TMEM169: variants seen among roughly 807,000 people sequenced by gnomAD.
TMEM169 encodes the protein transmembrane protein 169.
Under a neutral mutation model 27.3 loss-of-function variants are expected in TMEM169, and 18 were observed. The observed-to-expected ratio is 0.66, with a 90% CI of 0.46 to 0.98. TMEM169 has a LOEUF of 0.98. Among genes scored for constraint, TMEM169 ranks in the 50% least tolerant of loss-of-function variants. TMEM169 has a pLI of 0.00. For synonymous variants in TMEM169, 136 were observed against 142.1 expected (o/e 0.96, Z 0.30); for missense variants, 320 against 368.6 (o/e 0.87, Z 1.08).
In TMEM169 at chr2:216,095,847, A is replaced by G. The variant is rs1452274508; in HGVS notation, c.-117A>G. ...CTTTCCTATCTTTCAGGTGGAATGC[A>G]TCCTTGGGACATCTTTGCATAGCCC... On this transcript the variant is annotated 5_prime_UTR_variant, in exon 2 of 3. Coordinates refer to ENST00000437356, the MANE Select transcript of TMEM169 (RefSeq NM_001142311.2). 351 of 1,246,812 alleles carry G rather than the reference A, an allele frequency of 2.8e-4. No homozygotes were observed. The highest frequency in any genetic ancestry group is 3.2e-5 in the Non-Finnish European group (29 of 910,354). The allele number at this position is 1,246,812 out of a possible 1,614,324, so 77.2% of individuals were successfully genotyped here.
chr2:216,101,211 AT>A lies in TMEM169; in HGVS notation c.*671del, dbSNP rs1400291423. On this transcript the variant is annotated 3_prime_UTR_variant, in exon 3 of 3. Transcript: ENST00000437356. ...CCTTATCCCCAACATCCCAGTGCTG[AT>A]TACATCTTCAGCCATCACATCCATG... 3 of 154,144 alleles carry A rather than the reference AT, an allele frequency of 1.9e-5. No homozygotes were observed. The highest frequency in any genetic ancestry group is 7.2e-5 in the African/African-American group (3 of 41,418). 9.5% of individuals were successfully genotyped at this position (154,144 alleles called of 1,614,324 possible).
chr2:216,095,979 G>A lies in TMEM169; in HGVS notation c.16G>A (p.Ala6Thr). 1 of 1,613,542 alleles carries A rather than the reference G, an allele frequency of 6.2e-7. No homozygotes were observed. The highest frequency in any genetic ancestry group is 8.5e-7 in the Non-Finnish European group (1 of 1,179,894). MEEPT[A>T]VEGQVQLPSP... ...CAGGTCTGGAATGGAAGAGCCAACA[G>A]CAGTAGAAGGCCAGGTCCAGCTTCC... Residue 6 changes from alanine to threonine, a missense_variant, in exon 2 of 3, where the codon GCA (alanine) becomes ACA (threonine). Ala to Thr is a moderately conservative substitution (Grantham distance 58, BLOSUM62 0). Coordinates refer to ENST00000437356, the MANE Select transcript of TMEM169 (RefSeq NM_001142311.2).
rs1696370948 is a variant in TMEM169, at chr2:216,100,475, C to A, written c.827C>A (p.Ser276Tyr). Residue 276 changes from serine (S) to tyrosine (Y), a missense_variant, in exon 3 of 3, where the codon TCC becomes TAC. Physicochemically the swap from Ser to Tyr is moderately radical, Grantham distance 144. Coordinates refer to ENST00000437356, the MANE Select transcript of TMEM169 (RefSeq NM_001142311.2). ...TACAGCATTGTGGAGTTGCTTGAATCCGACAATATCTCAAGCACTCTCTCC... is the reference window on the plus strand; with the variant it reads ...TACAGCATTGTGGAGTTGCTTGAATACGACAATATCTCAAGCACTCTCTCC... ...SPYSIVELLE[S>Y]DNISSTLSNK... 1.2e-6 allele frequency: 2 copies of A among 1,613,852 alleles called. No individual in the cohort carries two copies. Among genetic ancestry groups the A allele is most frequent in the African/African-American group, 1.3e-5 (1 of 74,832 alleles).
At chr2:216,089,980 C>A (rs1395912363) in intron 1 of TMEM169, among the ~76,000 whole-genome samples, 1 of 152,124 alleles carries the variant, frequency 6.6e-6, no homozygotes, top group Non-Finnish European at 1.5e-5. Context: ...TGCTAATTTC[C>A]TGGCCTATTT....
chr2:216,091,286 G>T (rs774622225), intron 1 of TMEM169, among the ~76,000 whole-genome samples: 1 of 152,034 alleles, frequency 6.6e-6, no homozygotes, highest in Non-Finnish European at 1.5e-5. Context: ...AGACCCAGAG[G>T]CTAGGCTCAG....
At chr2:216,094,155 T>C (rs938203234) in intron 1 of TMEM169, among the ~76,000 whole-genome samples, 4 of 151,934 alleles carry the variant, frequency 2.6e-5, no homozygotes, top group African/African-American at 9.7e-5. Flanking sequence ...TAACCTGGAG[T>C]TGCTGAAGAG....
intron 1 of TMEM169, among the ~76,000 whole-genome samples, chr2:216,084,594 G>C (rs2105977948): frequency 2.6e-5 from 4 of 152,202 alleles, no homozygotes; most frequent in Admixed American, 2.6e-4. Flanking sequence ...GACAAATGTT[G>C]GTAAGCCTTA....
At chr2:216,090,075 G>T (rs1254992501) in intron 1 of TMEM169, among the ~76,000 whole-genome samples, 2 of 152,220 alleles carry the variant, frequency 1.3e-5, no homozygotes, top group East Asian at 3.8e-4. Context: ...TGGGGAGAAA[G>T]GGCAGAAGAT....
At chr2:216,092,550 G>A (rs1696157938) in intron 1 of TMEM169, among the ~76,000 whole-genome samples, 1 of 152,120 alleles carries the variant, frequency 6.6e-6, no homozygotes, top group African/African-American at 2.4e-5. Flanking sequence ...CCTCAACAAA[G>A]AGAGAGGAAA....
intron 1 of TMEM169, 178 bp downstream of exon 1, chr2:216,082,157 AAAAG>A (rs1180779858): frequency 6.0e-6 from 1 of 167,148 alleles, no homozygotes; most frequent in Non-Finnish European, 1.3e-5. Flanking sequence ...TGCAGCTGGA[AAAAG>A]AAAGGCTGCT....
intron 2 of TMEM169, among the ~76,000 whole-genome samples, chr2:216,098,310 C>T (rs562637620): frequency 5.3e-5 from 8 of 152,064 alleles, no homozygotes; most frequent in Admixed American, 2.6e-4. Context: ...TGGAGAAGTT[C>T]GGGTGATAGC....
chr2:216,089,590 G>A (rs1018317402), intron 1 of TMEM169, among the ~76,000 whole-genome samples: 1 of 152,190 alleles, frequency 6.6e-6, no homozygotes, highest in African/African-American at 2.4e-5. Context: ...CTGAGTAGCT[G>A]GGATTACAGG....
chr2:216,101,020 C>G lies in TMEM169; in HGVS notation c.*478C>G, dbSNP rs917925747. 1 of 185,500 alleles carries G rather than the reference C, an allele frequency of 5.4e-6. No individual in the cohort carries two copies. Among genetic ancestry groups the G allele is most frequent in the African/African-American group, 2.4e-5 (1 of 41,646 alleles). 11.5% of individuals were successfully genotyped at this position (185,500 alleles called of 1,614,324 possible). On this transcript the variant is annotated 3_prime_UTR_variant, in exon 3 of 3. Transcript: ENST00000437356. ...TATCATTTAGATTTAGATTTAGCTG[C>G]ATAGAATTAAAACCCTAAAATATCA...
intron 1 of TMEM169, among the ~76,000 whole-genome samples, chr2:216,085,569 A>G (rs1014692683): frequency 6.6e-6 from 1 of 151,898 alleles, no homozygotes; most frequent in East Asian, 2.0e-4. Flanking sequence ...AGTTGGGTGG[A>G]TGAATTTAAG....
intron 1 of TMEM169, among the ~76,000 whole-genome samples, chr2:216,092,617 T>A (rs1429212837): frequency 6.6e-6 from 1 of 152,220 alleles, no homozygotes; most frequent in African/African-American, 2.4e-5. Context: ...TCTTTAACAT[T>A]TCTGTCTCCC....
chr2:216,085,904 T>C (rs1335742610), intron 1 of TMEM169, among the ~76,000 whole-genome samples: 1 of 151,302 alleles, frequency 6.6e-6, no homozygotes, highest in Non-Finnish European at 1.5e-5. Context: ...AAAAGAATTA[T>C]CTGGATAATT....
chr2:216,092,825 G>A lies in TMEM169; in HGVS notation c.-126-3013G>A, dbSNP rs190672839. Among the ~76,000 whole-genome samples the A allele has an allele frequency of 2.1e-3, 306 of 146,618 alleles. 1 individual carries two copies. The highest frequency in any genetic ancestry group is 3.4e-3 in the Middle Eastern group (1 of 294). On this transcript the variant is annotated intron_variant, in intron 1 of 2. Coordinates refer to ENST00000437356, the MANE Select transcript of TMEM169 (RefSeq NM_001142311.2). ...CAACAGAGAGAAACAGATGATCTAA[G>A]TAGGAAAACACGGTGGATTAGGGTG...
chr2:216,085,135 G>A (rs1695966750), intron 1 of TMEM169, among the ~76,000 whole-genome samples: 1 of 152,160 alleles, frequency 6.6e-6, no homozygotes, highest in Admixed American at 6.5e-5. Flanking sequence ...GACGACAGGT[G>A]CGCGCTGCCA....
intron 1 of TMEM169, among the ~76,000 whole-genome samples, chr2:216,091,193 A>G (rs1696113301): frequency 6.6e-6 from 1 of 152,154 alleles, no homozygotes; most frequent in African/African-American, 2.4e-5. Flanking sequence ...TTGAAATTTC[A>G]GCCCCCAAAG....
Sources: allele counts gnomAD v4.1 joint callset (sites outside exome capture counted in the v4.1 genomes callset), GRCh38; gene constraint gnomAD v4.1.1; transcripts MANE v1.5; gene names NCBI Gene and HGNC (gene_info 2026-07-23, HGNC 2026-07-21).